KIF6: variants seen among roughly 807,000 people sequenced by gnomAD.
The protein encoded by KIF6 is kinesin-like protein KIF6.
KIF6 carries 106 observed loss-of-function variants against 112.7 expected under a neutral mutation model. That is an observed-to-expected ratio of 0.94 (90% CI 0.80 to 1.11). KIF6 has a LOEUF of 1.11. Among genes scored for constraint, KIF6 ranks in the 50% least tolerant of loss-of-function variants. The pLI is 0.00. For synonymous variants in KIF6, 339 were observed against 339.9 expected (o/e 1.00, Z 0.03); for missense variants, 929 against 964.0 (o/e 0.96, Z 0.48).
At chr6:39,340,489 C>T (rs1447525423) in intron 22 of KIF6, among the ~76,000 whole-genome samples, 1 of 152,152 alleles carries the variant, frequency 6.6e-6, no homozygotes, top group Non-Finnish European at 1.5e-5. Flanking sequence ...GCTGGCTCTG[C>T]CATTTATCAG....
chr6:39,716,002 C>T (rs908753384), intron 2 of KIF6, among the ~76,000 whole-genome samples: 9 of 151,940 alleles, frequency 5.9e-5, no homozygotes, highest in Non-Finnish European at 1.0e-4. Context: ...ATGATGATAA[C>T]GCTGGTTCAC....
At chr6:39,577,122 C>A (rs962771684) in intron 10 of KIF6, among the ~76,000 whole-genome samples, 1 of 152,124 alleles carries the variant, frequency 6.6e-6, no homozygotes, top group African/African-American at 2.4e-5. Flanking sequence ...GCAAGAAAAG[C>A]CTTAGGGGCC....
chr6:39,432,770 C>G (rs1011849925), intron 13 of KIF6, among the ~76,000 whole-genome samples: 21 of 152,278 alleles, frequency 1.4e-4, no homozygotes, highest in African/African-American at 5.1e-4. Flanking sequence ...TTCCCCTGTC[C>G]GGGTCTGCAC....
intron 13 of KIF6, among the ~76,000 whole-genome samples, chr6:39,510,636 A>G (rs984671982): frequency 3.9e-5 from 6 of 152,176 alleles, no homozygotes; most frequent in African/African-American, 1.2e-4. Flanking sequence ...AACTGCATCA[A>G]TTAATAGGCA....
chr6:39,346,055 T>G (rs921007660), intron 20 of KIF6, among the ~76,000 whole-genome samples: 7 of 13,504 alleles, frequency 5.2e-4, no homozygotes, highest in African/African-American at 1.6e-3. Context: ...CAGTGCTCTC[T>G]CTCTCTCTCT....
Position 39,385,686 on chromosome 6 carries a change from A to G in KIF6, c.1811-14T>C, listed in dbSNP as rs774077656. 4 of 1,608,220 alleles carry G rather than the reference A, an allele frequency of 2.5e-6. No individual in the cohort carries two copies. In the South Asian group the frequency reaches 4.4e-5, roughly 18 times the overall value. ...CCTTCAGGTGACCTGCCAAAGACAC[A>G]AAAGAAAACTACCAGTGGGTTTCCA... On this transcript the variant is annotated splice_polypyrimidine_tract_variant and intron_variant, in intron 15 of 22. Coordinates refer to ENST00000287152, the MANE Select transcript of KIF6 (RefSeq NM_145027.6).
intron 3 of KIF6, among the ~76,000 whole-genome samples, chr6:39,656,182 T>C (rs954069713): frequency 6.6e-6 from 1 of 152,162 alleles, no homozygotes; most frequent in African/African-American, 2.4e-5. Context: ...TGATAGGGTG[T>C]CTCTGTCTTC....
chr6:39,646,231 A>C (rs1785167430), intron 3 of KIF6, among the ~76,000 whole-genome samples: 1 of 151,992 alleles, frequency 6.6e-6, no homozygotes, highest in South Asian at 2.1e-4. Flanking sequence ...AATCAACAAC[A>C]AATCATTATT....
chr6:39,469,998 C>A (rs931175152), intron 13 of KIF6, among the ~76,000 whole-genome samples: 5 of 152,072 alleles, frequency 3.3e-5, no homozygotes, highest in Non-Finnish European at 7.4e-5. Context: ...CAGAAGAATA[C>A]AGATTTTTCA....
chr6:39,506,405 C>T (rs1314348904), intron 13 of KIF6, among the ~76,000 whole-genome samples: 1 of 152,124 alleles, frequency 6.6e-6, no homozygotes, highest in Admixed American at 6.5e-5. Flanking sequence ...ATTGCTAATA[C>T]ATGCAGGGCC....
At chr6:39,346,085 T>TC (rs367850137) in intron 20 of KIF6, among the ~76,000 whole-genome samples, 17 of 21,596 alleles carry the variant, frequency 7.9e-4, no homozygotes, top group Non-Finnish European at 1.1e-3. Context: ...TCTCTCTCTC[T>TC]CCCCCCCCTC....
chr6:39,529,853 T>C (rs1777943422), intron 13 of KIF6, among the ~76,000 whole-genome samples: 1 of 152,252 alleles, frequency 6.6e-6, no homozygotes, highest in African/African-American at 2.4e-5. Flanking sequence ...CATTATTCTT[T>C]AAGACTGAGA....
At chr6:39,443,438 A>C (rs998194970) in intron 13 of KIF6, among the ~76,000 whole-genome samples, 4 of 152,030 alleles carry the variant, frequency 2.6e-5, no homozygotes, top group African/African-American at 9.7e-5. Context: ...CATGTATTTA[A>C]TTTTATTTAT....
intron 13 of KIF6, among the ~76,000 whole-genome samples, chr6:39,531,407 G>C (rs1562292258): frequency 6.6e-6 from 1 of 152,132 alleles, no homozygotes; most frequent in Non-Finnish European, 1.5e-5. Flanking sequence ...AAGGGAGATG[G>C]TGTGGGCAAG....
At chr6:39,522,668 C>T (rs1278095277) in intron 13 of KIF6, among the ~76,000 whole-genome samples, 1 of 152,164 alleles carries the variant, frequency 6.6e-6, no homozygotes, top group Non-Finnish European at 1.5e-5. Context: ...CTTACTTGAC[C>T]ACTCTGCAAT....
intron 15 of KIF6, among the ~76,000 whole-genome samples, chr6:39,418,081 C>T (rs1293542511): frequency 6.6e-6 from 1 of 152,130 alleles, no homozygotes; most frequent in African/African-American, 2.4e-5. Context: ...AGAGTGTCTG[C>T]CTTCCCACCT....
chr6:39,460,597 A>T (rs978813527), intron 13 of KIF6, among the ~76,000 whole-genome samples: 4 of 151,182 alleles, frequency 2.6e-5, no homozygotes, highest in Non-Finnish European at 5.9e-5. Context: ...CATATTGTCT[A>T]CTAAGGAATG....
intron 16 of KIF6, among the ~76,000 whole-genome samples, chr6:39,385,394 A>G (rs1308462798): frequency 6.6e-6 from 1 of 152,110 alleles, no homozygotes; most frequent in Non-Finnish European, 1.5e-5. Context: ...CAACAGCTGG[A>G]AGAGTAGGGT....
rs190563683 is a variant in KIF6 at position 39,477,647 on chromosome 6, G to A, written c.1646-46486C>T. Among the ~76,000 whole-genome samples the A allele has an allele frequency of 2.1e-3, 323 of 152,292 alleles. 2 individuals carry two copies. The highest frequency in any genetic ancestry group is 5.9e-3 in the Admixed American group (90 of 15,300). On this transcript the variant is annotated intron_variant, in intron 13 of 22. Transcript: ENST00000287152. ...GGAGGCCAAGGCTGGTGGATCACAA[G>A]GTCAAGAGATTGAAACAATCCTGGC... is the stretch of plus-strand genomic sequence containing the variant.
Sources: allele counts gnomAD v4.1 joint callset (sites outside exome capture counted in the v4.1 genomes callset), GRCh38; gene constraint gnomAD v4.1.1; transcripts MANE v1.5; gene names NCBI Gene and HGNC (gene_info 2026-07-23, HGNC 2026-07-21).